TPCN2: variants seen among roughly 807,000 people sequenced by gnomAD.
The protein encoded by TPCN2 is two pore channel protein 2.
TPCN2 carries 92 observed loss-of-function variants against 111.4 expected under a neutral mutation model. The observed-to-expected ratio is 0.83, with a 90% CI of 0.70 to 0.98. TPCN2 has a LOEUF of 0.98. TPCN2 is among the 50% of genes least tolerant of loss of function. The probability of loss-of-function intolerance (pLI) is 0.00; values close to 1 mark genes in which losing one functional copy is unlikely to be tolerated. For missense variants in TPCN2, 995 were observed against 980.1 expected (o/e 1.02, Z -0.20); for synonymous variants, 405 against 414.5 (o/e 0.98, Z 0.28).
intron 2 of TPCN2, 31 bp from the exon 3 acceptor site, chr11:69,054,690 T>C (rs1403828937): frequency 6.2e-7 from 1 of 1,606,142 alleles, no homozygotes; most frequent in African/African-American, 1.3e-5. Context: ...CATGCACCCA[T>C]GTCATGCCTC....
rs780457700 is a variant in TPCN2, at chr11:69,071,443, G to T, written c.960+23G>T. The T allele has an allele frequency of 3.7e-6, 6 of 1,608,042 alleles. No homozygotes were observed. In the African/African-American group the frequency reaches 8.0e-5, roughly 21 times the overall value. ...ATGGTGAGCGAGCTCCCCAATGCTGGCTGTGCCTGGAGCTGCCGGGAGGCC... is the reference window on the plus strand; with the variant it reads ...ATGGTGAGCGAGCTCCCCAATGCTGTCTGTGCCTGGAGCTGCCGGGAGGCC... On this transcript the variant is annotated intron_variant, in intron 10 of 24. Transcript: ENST00000294309.
chr11:69,054,164 C>A (rs1854639544), intron 2 of TPCN2, 67 bp downstream of exon 2: 4 of 1,343,352 alleles, frequency 3.0e-6, no homozygotes, highest in Admixed American at 3.5e-5. Flanking sequence ...CTCGCCCCTC[C>A]AGGGGCGACT....
intron 22 of TPCN2, 65 bp downstream of exon 22, chr11:69,085,995 G>A: frequency 6.7e-7 from 1 of 1,494,454 alleles, no homozygotes; most frequent in Admixed American, 1.8e-5. Flanking sequence ...TCACCTCCGG[G>A]CACGCTGCAT....
At chr11:69,056,978 C>T (rs953056806) in intron 4 of TPCN2, among the ~76,000 whole-genome samples, 2 of 152,158 alleles carry the variant, frequency 1.3e-5, no homozygotes, top group African/African-American at 4.8e-5. Context: ...GCTGGGATTA[C>T]AGGTGCCTGC....
intron 19 of TPCN2, among the ~76,000 whole-genome samples, chr11:69,084,245 C>T (rs1856173578): frequency 1.3e-5 from 2 of 152,198 alleles, no homozygotes; most frequent in South Asian, 2.1e-4. Context: ...GTGGCCCTGC[C>T]TGAGCATCCT....
intron 8 of TPCN2, 48 bp downstream of exon 8, chr11:69,067,653 CT>C: frequency 6.3e-7 from 1 of 1,584,746 alleles, no homozygotes; most frequent in Non-Finnish European, 8.6e-7. Flanking sequence ...GAGCCCAGCA[CT>C]GGGGGGCCGG....
intron 16 of TPCN2, 79 bp from the exon 17 acceptor site, chr11:69,079,755 G>A (rs563730387): frequency 2.9e-6 from 4 of 1,361,002 alleles, no homozygotes; most frequent in Non-Finnish European, 4.1e-6. Flanking sequence ...TGTTAGAGAT[G>A]AGCTTTATAA....
chr11:69,072,990 G>GT lies in TPCN2; in HGVS notation c.1220dup (p.Val408GlyfsTer2). On this transcript the variant is annotated frameshift_variant, in exon 13 of 25. Coordinates refer to ENST00000294309, the MANE Select transcript of TPCN2 (RefSeq NM_139075.4). LOFTEE classifies it high-confidence loss of function. ...GCTCTTCAACGAGCTTGACAGAAGTGTGGTTAAAGAGGTAACTGGGGCCAC... is the reference window on the plus strand; with the variant it reads ...GCTCTTCAACGAGCTTGACAGAAGTGTTGGTTAAAGAGGTAACTGGGGCCAC... 1 of 1,613,736 alleles carries GT rather than the reference G, an allele frequency of 6.2e-7. No individual in the cohort carries two copies. Among genetic ancestry groups the GT allele is most frequent in the Non-Finnish European group, 8.5e-7 (1 of 1,179,782 alleles).
intron 14 of TPCN2, 41 bp downstream of exon 14, chr11:69,078,642 G>T: frequency 6.2e-7 from 1 of 1,613,502 alleles, no homozygotes; most frequent in Non-Finnish European, 8.5e-7. Context: ...GGAAGTGCCG[G>T]TTCCCGCCCA....
In TPCN2 at chr11:69,085,660, GT is replaced by G; in HGVS notation, c.1839-10del. The G allele has an allele frequency of 6.3e-7, 1 of 1,586,492 alleles. No individual in the cohort carries two copies. Among genetic ancestry groups the G allele is most frequent in the Non-Finnish European group, 8.7e-7 (1 of 1,155,500 alleles). ...CCCCCGCCCCTGACCCAGGTGTGTT[GT>G]GTTCCCCAGCCTGGCCCCTGCCAAT... On this transcript the variant is annotated splice_polypyrimidine_tract_variant and intron_variant, in intron 20 of 24. Coordinates refer to ENST00000294309, the MANE Select transcript of TPCN2 (RefSeq NM_139075.4).
chr11:69,057,547 C>T, intron 4 of TPCN2, 31 bp from the exon 5 acceptor site: 2 of 1,598,138 alleles, frequency 1.3e-6, no homozygotes, highest in Non-Finnish European at 1.7e-6. Context: ...TGTGGGGCTA[C>T]TTGCTGCTCA....
At chr11:69,063,315 C>A (rs1855107065) in intron 6 of TPCN2, among the ~76,000 whole-genome samples, 1 of 152,056 alleles carries the variant, frequency 6.6e-6, no homozygotes. Flanking sequence ...CCTGCCTCTC[C>A]CCTCTGCCGT....
In TPCN2 at chr11:69,063,905, C is replaced by T. The variant is rs1180409886; in HGVS notation, c.664C>T (p.Leu222=). Residue 222 remains leucine, a synonymous_variant, in exon 7 of 25, where the codon CTG becomes TTG. Transcript: ENST00000294309. The part of the protein sequence containing the change: ...SLPEMASVGL[L]LAIHLCLFTM... ...CGTGCTCTCCCCCAGCGTCGGGCTG[C>T]TGCTGGCCATCCACCTGTGCCTCTT... 1 of 1,614,022 alleles carries T rather than the reference C, an allele frequency of 6.2e-7. No homozygotes were observed. Among genetic ancestry groups the T allele is most frequent in the Admixed American group, 1.7e-5 (1 of 60,020 alleles).
rs774640176 is a variant in TPCN2, at chr11:69,067,687, C to T, written c.829+82C>T. The T allele has an allele frequency of 3.8e-5, 49 of 1,293,392 alleles. No homozygotes were observed. The Middle Eastern group carries it at 8.3e-4, about 22-fold the overall frequency. The allele number at this position is 1,293,392 out of a possible 1,614,324, so 80.1% of individuals were successfully genotyped here. On this transcript the variant is annotated intron_variant, in intron 8 of 24. Coordinates refer to ENST00000294309, the MANE Select transcript of TPCN2 (RefSeq NM_139075.4). ...CGGTTTGGGCTGCTGAGCCTTAGAA[C>T]CCAGTGGGAGTTTCTGAGGCCTTTT... is the stretch of plus-strand genomic sequence containing the variant.
At position 69,055,270 on chromosome 11, in the gene TPCN2, C is replaced by G; in HGVS notation, c.347C>G (p.Ala116Gly). 1 of 1,614,148 alleles carries G rather than the reference C, an allele frequency of 6.2e-7. No individual in the cohort carries two copies. Among genetic ancestry groups the G allele is most frequent in the Non-Finnish European group, 8.5e-7 (1 of 1,180,000 alleles). The change falls in exon 4 of 25, where the codon GCT becomes GGT. Residue 116 changes from alanine (A) to glycine (G), a missense_variant. Transcript: ENST00000294309. ...ACGGCGGACGTGCGCTACCGCGCTGCTCCCTGGGAGCCGCCCTGCGGCCTG... is the reference window on the plus strand; with the variant it reads ...ACGGCGGACGTGCGCTACCGCGCTGGTCCCTGGGAGCCGCCCTGCGGCCTG... ...TSTADVRYRA[A>G]PWEPPCGLTE...
chr11:69,073,256 G>A (rs1468650017), intron 13 of TPCN2, among the ~76,000 whole-genome samples: 2 of 152,222 alleles, frequency 1.3e-5, no homozygotes, highest in African/African-American at 2.4e-5. Context: ...TGGTCTTCTC[G>A]GTTTCCATGA....
chr11:69,049,573 G>A (rs1296192902), intron 1 of TPCN2, among the ~76,000 whole-genome samples: 5 of 152,238 alleles, frequency 3.3e-5, no homozygotes, highest in Non-Finnish European at 7.3e-5. Context: ...CCCTACCCAA[G>A]GTCACACACC....
At chr11:69,052,895 C>T (rs1861295036) in intron 1 of TPCN2, among the ~76,000 whole-genome samples, 1 of 152,378 alleles carries the variant, frequency 6.6e-6, no homozygotes, top group East Asian at 1.9e-4. Context: ...GCAGCTGCTT[C>T]ACCCTCTCCC....
intron 4 of TPCN2, 41 bp from the exon 5 acceptor site, chr11:69,057,537 T>G: frequency 1.3e-6 from 2 of 1,563,840 alleles, no homozygotes; most frequent in Non-Finnish European, 1.8e-6. Flanking sequence ...AGGGCCAGCG[T>G]GTGGGGCTAC....
Sources: gnomAD v4.1 joint callset for allele counts (sites outside exome capture counted in the v4.1 genomes callset) on GRCh38, gnomAD v4.1.1 for gene constraint, MANE v1.5 for transcripts, NCBI Gene and HGNC (gene_info 2026-07-23, HGNC 2026-07-21) for gene names.